Variants in KIF1A observed in about 807,000 individuals in gnomAD.
KIF1A encodes kinesin family member 1A.
A neutral mutation model predicts 227.3 loss-of-function variants in KIF1A; 46 were observed. That is an observed-to-expected ratio of 0.20 (90% CI 0.16 to 0.26). The LOEUF is 0.26. KIF1A is among the 10% of genes least tolerant of loss of function. KIF1A has a pLI of 1.00. For missense variants in KIF1A, 1,683 were observed against 2,485.9 expected (o/e 0.68, Z 6.87); for synonymous variants, 1,022 against 1,012.8 (o/e 1.01, Z -0.17).
intron 1 of KIF1A, among the ~76,000 whole-genome samples, chr2:240,819,686 C>T (rs922999265): frequency 1.6e-4 from 24 of 151,914 alleles, no homozygotes; most frequent in Non-Finnish European, 3.1e-4. Context: ...CTCACCATCC[C>T]TCCCCTCCCC....
chr2:240,739,220 C>T lies in KIF1A; in HGVS notation c.3901+838G>A, dbSNP rs1026000586. Among the ~76,000 whole-genome samples, 12 of 152,192 alleles carry T rather than the reference C, an allele frequency of 7.9e-5. No homozygotes were observed. The highest frequency in any genetic ancestry group is 2.9e-4 in the African/African-American group (12 of 41,436). ...AGCCCGGCCATGGCAATGTCTGGGG[C>T]AAGGCAGGGCTGGGCTGGCCTCATG... is the stretch of plus-strand genomic sequence containing the variant. On this transcript the variant is annotated intron_variant, in intron 37 of 48. Coordinates refer to ENST00000498729, the MANE Select transcript of KIF1A (RefSeq NM_001244008.2). This position sits in a 1 kb window ranked among gnomAD's most constrained non-coding sequence, Gnocchi z 5.6.
In KIF1A at chr2:240,745,835, C is replaced by A; in HGVS notation, c.3277G>T (p.Asp1093Tyr). The change falls in exon 31 of 49, where the codon GAC (aspartate) becomes TAC (tyrosine). Residue 1093 changes from aspartate to tyrosine, a missense_variant. Transcript: ENST00000498729. ...ALDGPLDAAL[D>Y]HLRLGNTFTF... ...AAGGTGTTGCCCAGGCGGAGGTGGT[C>A]CAGGGCAGCATCCAGGGGCCCATCC... is the stretch of plus-strand genomic sequence containing the variant. 6.2e-7 allele frequency: 1 copy of A among 1,612,774 alleles called. No homozygotes were observed. Among genetic ancestry groups the A allele is most frequent in the Non-Finnish European group, 8.5e-7 (1 of 1,179,604 alleles).
rs377243354 is a variant in KIF1A at position 240,785,193 on chromosome 2, G to T, written c.609-93C>A. ...CCAGCCCTCTGAACCAGGTCATCGGGGGGGGCAGTTCCCCCAGACCCCAGG... is the reference window on the plus strand; with the variant it reads ...CCAGCCCTCTGAACCAGGTCATCGGTGGGGGCAGTTCCCCCAGACCCCAGG... On this transcript the variant is annotated intron_variant, in intron 6 of 48. Transcript: ENST00000498729. The T allele has an allele frequency of 3.0e-3, 3,112 of 1,037,042 alleles. 8 individuals are homozygous for T. Among genetic ancestry groups the T allele is most frequent in the Non-Finnish European group, 4.1e-3 (2,790 of 688,660 alleles). The allele number at this position is 1,037,042 out of a possible 1,614,324, so 64.2% of individuals were successfully genotyped here.
In KIF1A at chr2:240,714,818, G is replaced by C. The variant is rs1325194677; in HGVS notation, c.*2546C>G. 1 of 152,322 alleles carries C rather than the reference G, an allele frequency of 6.6e-6. No individual in the cohort carries two copies. Among genetic ancestry groups the C allele is most frequent in the East Asian group, 1.9e-4 (1 of 5,206 alleles). 9.4% of individuals were successfully genotyped at this position (152,322 alleles called of 1,614,324 possible). On this transcript the variant is annotated 3_prime_UTR_variant, in exon 49 of 49. Transcript: ENST00000498729. ...ACTAGAGCAGGCCCGGAAGGAGGGA[G>C]TCGGCGGAGGCTGCAGTGTGGCTCT...
chr2:240,801,346 A>G (rs947273770), intron 1 of KIF1A, among the ~76,000 whole-genome samples: 1 of 152,218 alleles, frequency 6.6e-6, no homozygotes, highest in Admixed American at 6.5e-5. Flanking sequence ...TAGATCTGGA[A>G]AACAAAATAC....
intron 19 of KIF1A, 93 bp from the exon 20 acceptor site, chr2:240,765,886 C>T: frequency 1.2e-6 from 1 of 850,362 alleles, no homozygotes. Flanking sequence ...ATGGCCTCTT[C>T]CAAGCCTCTC....
chr2:240,755,533 C>G (rs1288461933), intron 27 of KIF1A, among the ~76,000 whole-genome samples: 1 of 152,286 alleles, frequency 6.6e-6, no homozygotes, highest in East Asian at 1.9e-4. Context: ...TTCCCAGGGC[C>G]GGGCCTGCAC....
intron 27 of KIF1A, among the ~76,000 whole-genome samples, chr2:240,751,781 C>G (rs1164900658): frequency 6.6e-6 from 1 of 151,982 alleles, no homozygotes; most frequent in Non-Finnish European, 1.5e-5. Context: ...CCAGCACAGT[C>G]AAGCTCAGCC....
chr2:240,763,108 G>T lies in KIF1A; in HGVS notation c.1950-17C>A. ...TCCTGGAGCCTGCAAGGGGGCATTG[G>T]GGTGAGCACGGGAGGGCAGGAGGGG... On this transcript the variant is annotated splice_polypyrimidine_tract_variant and intron_variant, in intron 21 of 48. Transcript: ENST00000498729. 6.3e-7 allele frequency: 1 copy of T among 1,595,294 alleles called. No homozygotes were observed.
chr2:240,814,169 G>A (rs961885418), intron 1 of KIF1A, among the ~76,000 whole-genome samples: 7 of 151,988 alleles, frequency 4.6e-5, no homozygotes, highest in Non-Finnish European at 1.0e-4. Context: ...ACAAATAGAA[G>A]TAGAGACCCT....
At chr2:240,756,881 C>T (rs981418563) in intron 27 of KIF1A, among the ~76,000 whole-genome samples, 14 of 152,244 alleles carry the variant, frequency 9.2e-5, no homozygotes, top group South Asian at 6.2e-4. Context: ...AATGACAGGA[C>T]GGGCATCCTG....
intron 1 of KIF1A, among the ~76,000 whole-genome samples, chr2:240,799,291 C>T (rs2056735670): frequency 6.6e-6 from 1 of 152,240 alleles, no homozygotes; most frequent in Admixed American, 6.5e-5. Flanking sequence ...GGGACCAGGG[C>T]AGACGCTGAA....
At chr2:240,728,170 G>A (rs1030713645) in intron 38 of KIF1A, among the ~76,000 whole-genome samples, 6 of 152,224 alleles carry the variant, frequency 3.9e-5, no homozygotes, top group South Asian at 2.1e-4. Context: ...GGTCTGGGAC[G>A]CAGGGCATGG....
chr2:240,816,284 ATGAG>A (rs2058315153), intron 1 of KIF1A, among the ~76,000 whole-genome samples: 1 of 151,244 alleles, frequency 6.6e-6, no homozygotes, highest in Non-Finnish European at 1.5e-5. Flanking sequence ...ATGTGTGTGT[ATGAG>A]TGTCTGTGTG....
intron 1 of KIF1A, among the ~76,000 whole-genome samples, chr2:240,812,450 C>G (rs1559549300): frequency 6.6e-6 from 1 of 152,236 alleles, no homozygotes; most frequent in Non-Finnish European, 1.5e-5. Flanking sequence ...CCCTTCACCT[C>G]TGGGTCTGCC....
In KIF1A at chr2:240,784,821, G is replaced by C. The variant is rs868753881; in HGVS notation, c.720+168C>G. ...TGGGAGAAGGGCCTCTGGGGCGGGGGGGGGGACGTCCACACCTGGTGCCAG... is the reference window on the plus strand; with the variant it reads ...TGGGAGAAGGGCCTCTGGGGCGGGGCGGGGGACGTCCACACCTGGTGCCAG... On this transcript the variant is annotated intron_variant, in intron 7 of 48. Coordinates refer to ENST00000498729, the MANE Select transcript of KIF1A (RefSeq NM_001244008.2). 0.026 allele frequency among the ~76,000 whole-genome samples: 3,885 copies of C among 151,876 alleles called. 169 individuals carry two copies. The highest frequency in any genetic ancestry group is 0.088 in the African/African-American group (3,645 of 41,196).
intron 10 of KIF1A, among the ~76,000 whole-genome samples, chr2:240,781,463 CCACACACACACA>C (rs34158686): frequency 3.2e-4 from 9 of 28,564 alleles, no homozygotes; most frequent in African/African-American, 1.8e-3. Flanking sequence ...ACACACAGCT[CCACACACACACA>C]CACACACACA....
In KIF1A at chr2:240,752,741, C is replaced by T. The variant is rs575989002; in HGVS notation, c.2859-2194G>A. On this transcript the variant is annotated intron_variant, in intron 27 of 48. Transcript: ENST00000498729. The surrounding 1 kb of genome is among the most constrained non-coding windows in gnomAD (Gnocchi z 6.4). ...CAGAGCTAGTGCCCACTGCAAAAAT[C>T]CCAGGGTTGGAGGGCAGAAGGGCAC... 6.7e-6 allele frequency among the ~76,000 whole-genome samples: 1 copy of T among 148,262 alleles called. No individual in the cohort carries two copies. The highest frequency in any genetic ancestry group is 1.5e-5 in the Non-Finnish European group (1 of 67,016).
In KIF1A at chr2:240,778,025, G is replaced by A. The variant is rs968966955; in HGVS notation, c.883-2099C>T. On this transcript the variant is annotated intron_variant, in intron 10 of 48. Transcript: ENST00000498729. This position sits in a 1 kb window ranked among gnomAD's most constrained non-coding sequence, Gnocchi z 7.2. The stretch of plus-strand genomic sequence containing the variant: ...GCCGTTCCCCGCACGGTTCCCACGC[G>A]GCTGCTCGCAGCTCACCACACAGTT... Among the ~76,000 whole-genome samples, 6 of 152,060 alleles carry A rather than the reference G, an allele frequency of 3.9e-5. No individual in the cohort carries two copies. Among genetic ancestry groups the A allele is most frequent in the Non-Finnish European group, 7.4e-5 (5 of 68,014 alleles).
Sources: allele counts gnomAD v4.1 joint callset (sites outside exome capture counted in the v4.1 genomes callset), GRCh38; gene constraint gnomAD v4.1.1; non-coding constraint Gnocchi (gnomAD v3.1); transcripts MANE v1.5; gene names NCBI Gene and HGNC (gene_info 2026-07-23, HGNC 2026-07-21).